The following ARHGAP32 variants were observed in gnomAD, a reference collection of about 807,000 sequenced individuals.
ARHGAP32 encodes rho GTPase-activating protein 32.
ARHGAP32 carries 51 observed loss-of-function variants against 186.5 expected under a neutral mutation model. The observed-to-expected ratio is 0.27, with a 90% confidence interval of 0.22 to 0.35. The LOEUF is 0.35. Among genes scored for constraint, ARHGAP32 ranks in the 10% least tolerant of loss-of-function variants. ARHGAP32 has a pLI of 1.00. For missense variants in ARHGAP32, 2,186 were observed against 2,623.5 expected (o/e 0.83, Z 3.64); for synonymous variants, 950 against 964.3 (o/e 0.99, Z 0.27).
At chr11:129,043,272 A>G (rs943759233) in intron 10 of ARHGAP32, among the ~76,000 whole-genome samples, 13 of 151,752 alleles carry the variant, frequency 8.6e-5, no homozygotes, top group Non-Finnish European at 1.5e-4. Flanking sequence ...CTTGGCCCCA[A>G]TTTGATGTTT....
chr11:129,265,730 G>A lies in ARHGAP32; in HGVS notation c.-5+13416C>T, dbSNP rs147946227. Among the ~76,000 whole-genome samples, 183 of 152,242 alleles carry A rather than the reference G, an allele frequency of 1.2e-3. 3 individuals are homozygous for A. The highest frequency in any genetic ancestry group is 4.1e-3 in the African/African-American group (172 of 41,556). On this transcript the variant is annotated intron_variant, in intron 1 of 6. Transcript: ENST00000525234. Reference sequence around the variant, plus strand: ...GATAAAAAAACAAGTGAATTTACATGTAAGCACCAGAACTTTAACTGTTTT... The same window carrying A: ...GATAAAAAAACAAGTGAATTTACATATAAGCACCAGAACTTTAACTGTTTT...
At position 129,123,792 on chromosome 11, in the gene ARHGAP32, G is replaced by C; in HGVS notation, c.359+96C>G. On this transcript the variant is annotated intron_variant, in intron 4 of 22. Coordinates refer to ENST00000682385, the MANE Select transcript of ARHGAP32 (RefSeq NM_001378024.1). This position sits in a 1 kb window ranked among gnomAD's most constrained non-coding sequence, Gnocchi z 4.6. ...ATTTTGACCCGAATCAATGTCCATA[G>C]AAAAACTGCTATTTTCGGCAAATGT... is the stretch of plus-strand genomic sequence containing the variant. The C allele has an allele frequency of 9.3e-7, 1 of 1,074,612 alleles. No homozygotes were observed. The highest frequency in any genetic ancestry group is 1.3e-6 in the Non-Finnish European group (1 of 791,016). The allele number at this position is 1,074,612 out of a possible 1,614,324, so 66.6% of individuals were successfully genotyped here.
At chr11:129,191,595 A>T (rs1944270613) in intron 1 of ARHGAP32, among the ~76,000 whole-genome samples, 1 of 152,058 alleles carries the variant, frequency 6.6e-6, no homozygotes, top group African/African-American at 2.4e-5. Flanking sequence ...AAGCCACAAA[A>T]TAACCAATCT....
At chr11:129,114,064 T>C (rs1055056294) in intron 5 of ARHGAP32, among the ~76,000 whole-genome samples, 1 of 152,126 alleles carries the variant, frequency 6.6e-6, no homozygotes, top group Non-Finnish European at 1.5e-5. Flanking sequence ...TCCCTGGTTC[T>C]AGGCCCCCTT....
rs143725161 is a variant in ARHGAP32, at chr11:129,135,564, G to C, written c.226-10670C>G. ...TGGCGGATCAGAAGGTCAGGAGATC[G>C]AGACCATCCTGTCTAACACAGTGAA... is the stretch of plus-strand genomic sequence containing the variant. On this transcript the variant is annotated intron_variant, in intron 2 of 22. Transcript: ENST00000682385. Among the ~76,000 whole-genome samples, 919 of 152,150 alleles carry C rather than the reference G, an allele frequency of 6.0e-3. 6 individuals are homozygous for C. Among genetic ancestry groups the C allele is most frequent in the South Asian group, 0.022 (105 of 4,812 alleles).
chr11:129,088,214 C>G (rs1297592722), intron 6 of ARHGAP32, among the ~76,000 whole-genome samples: 1 of 152,204 alleles, frequency 6.6e-6, no homozygotes, highest in East Asian at 1.9e-4. Flanking sequence ...AATTATAAAA[C>G]TAGTAAATAC....
upstream of ARHGAP32, among the ~76,000 whole-genome samples, chr11:129,196,793 G>A (rs1944397189): frequency 6.6e-6 from 1 of 152,106 alleles, no homozygotes; most frequent in African/African-American, 2.4e-5. Context: ...ATCAGTAGCT[G>A]ATGCCTGTAA....
At chr11:129,063,500 A>G (rs1940583217) in intron 9 of ARHGAP32, among the ~76,000 whole-genome samples, 1 of 152,180 alleles carries the variant, frequency 6.6e-6, no homozygotes, top group Non-Finnish European at 1.5e-5. Flanking sequence ...TTAGGTACAA[A>G]AACACAAAAA....
intron 1 of ARHGAP32, among the ~76,000 whole-genome samples, chr11:129,256,994 T>A (rs1945263298): frequency 6.6e-6 from 1 of 152,118 alleles, no homozygotes; most frequent in African/African-American, 2.4e-5. Context: ...TAAAAGGGCT[T>A]TCCCAAAAGC....
intron 1 of ARHGAP32, among the ~76,000 whole-genome samples, chr11:129,273,677 T>C (rs751553997): frequency 9.2e-5 from 14 of 152,190 alleles, no homozygotes; most frequent in Non-Finnish European, 1.9e-4. Context: ...TTCAACCACC[T>C]ATATTTCTCC....
At chr11:129,222,505 G>C (rs1332711331) in intron 1 of ARHGAP32, among the ~76,000 whole-genome samples, 1 of 152,120 alleles carries the variant, frequency 6.6e-6, no homozygotes, top group Non-Finnish European at 1.5e-5. Flanking sequence ...CTAATTAAGT[G>C]TAAAAATAAT....
chr11:129,014,382 G>GT (rs1238843015), intron 11 of ARHGAP32, among the ~76,000 whole-genome samples: 4 of 152,124 alleles, frequency 2.6e-5, no homozygotes, highest in Non-Finnish European at 5.9e-5. Flanking sequence ...TTACACCAGC[G>GT]TAATACTTCC....
chr11:129,195,558 T>G (rs1318223341), upstream of ARHGAP32, among the ~76,000 whole-genome samples: 1 of 151,908 alleles, frequency 6.6e-6, no homozygotes, highest in Non-Finnish European at 1.5e-5. Context: ...ACCCGCCTAA[T>G]TTTTTATTTT....
At chr11:129,139,238 A>G (rs1428767206) in intron 2 of ARHGAP32, among the ~76,000 whole-genome samples, 1 of 152,122 alleles carries the variant, frequency 6.6e-6, no homozygotes, top group African/African-American at 2.4e-5. Context: ...ACTCATCATA[A>G]AGGTATTAAT....
chr11:129,263,884 T>C (rs1478563618), intron 1 of ARHGAP32, among the ~76,000 whole-genome samples: 2 of 152,168 alleles, frequency 1.3e-5, no homozygotes, highest in Non-Finnish European at 2.9e-5. Flanking sequence ...ATTCCACTTC[T>C]GGATGTATAC....
chr11:128,991,758 AT>A (rs1185851696), intron 12 of ARHGAP32, among the ~76,000 whole-genome samples: 1 of 152,216 alleles, frequency 6.6e-6, no homozygotes, highest in African/African-American at 2.4e-5. Flanking sequence ...TTAAAATATC[AT>A]CATACGACAA....
intron 5 of ARHGAP32, among the ~76,000 whole-genome samples, chr11:129,119,149 T>G (rs1399635561): frequency 3.9e-5 from 6 of 151,970 alleles, no homozygotes; most frequent in Admixed American, 2.6e-4. Context: ...ATTTCTTAGC[T>G]TGAAGGAACA....
At chr11:129,066,088 T>A (rs1940679079) in intron 7 of ARHGAP32, among the ~76,000 whole-genome samples, 1 of 152,168 alleles carries the variant, frequency 6.6e-6, no homozygotes. Context: ...ATAGTAATCA[T>A]CCTTCGAAAA....
At chr11:129,211,724 T>C (rs1591699400) in intron 1 of ARHGAP32, among the ~76,000 whole-genome samples, 2 of 152,274 alleles carry the variant, frequency 1.3e-5, no homozygotes, top group East Asian at 3.9e-4. Context: ...TTTGAAAACT[T>C]CCACAGTTGA....
Sources: allele counts gnomAD v4.1 joint callset (sites outside exome capture counted in the v4.1 genomes callset), GRCh38; gene constraint gnomAD v4.1.1; non-coding constraint Gnocchi (gnomAD v3.1); transcripts MANE v1.5; gene names NCBI Gene and HGNC (gene_info 2026-07-23, HGNC 2026-07-21).